RABEP1: variants seen among roughly 807,000 people sequenced by gnomAD.
The protein encoded by RABEP1 is rabaptin, RAB GTPase binding effector protein 1, also known as rab GTPase-binding effector protein 1.
In RABEP1, 51 loss-of-function variants were observed where a neutral mutation model predicts 123.4. The observed-to-expected ratio is 0.41, with a 90% CI of 0.33 to 0.52. RABEP1 has a LOEUF of 0.52. Ranked by LOEUF, RABEP1 falls within the 20% of genes least tolerant of loss-of-function variation. RABEP1 has a pLI of 0.16. For missense variants in RABEP1, 888 were observed against 996.3 expected, an observed-to-expected ratio of 0.89 and a Z score of 1.46; for synonymous variants, 347 against 355.2, an observed-to-expected ratio of 0.98 and a Z score of 0.26.
chr17:5,316,855 A>AATAT (rs1171136663), intron 2 of RABEP1, among the ~76,000 whole-genome samples: 13 of 139,370 alleles, frequency 9.3e-5, no homozygotes, highest in African/African-American at 2.4e-4. Context: ...AAAAAAAAAA[A>AATAT]ATATAAGAAA....
intron 17 of RABEP1, among the ~76,000 whole-genome samples, chr17:5,382,371 C>T (rs563739341): frequency 1.4e-4 from 22 of 151,872 alleles, no homozygotes; most frequent in Admixed American, 6.6e-4. Flanking sequence ...CGTGAGCCAC[C>T]GTGCCCGGAC....
chr17:5,343,124 C>A (rs150498411), intron 5 of RABEP1, among the ~76,000 whole-genome samples: 1 of 152,030 alleles, frequency 6.6e-6, no homozygotes, highest in Non-Finnish European at 1.5e-5. Context: ...GCTGGGCATC[C>A]GCCTGTAATC....
intron 8 of RABEP1, chr17:5,360,960 CTTTT>C: frequency 4.9e-6 from 2 of 412,234 alleles, no homozygotes; most frequent in South Asian, 5.8e-5. Flanking sequence ...GCTTACTTAT[CTTTT>C]TTTTTTTTGA....
intron 1 of RABEP1, among the ~76,000 whole-genome samples, chr17:5,299,734 T>C (rs2075118626): frequency 8.2e-6 from 1 of 122,378 alleles, no homozygotes; most frequent in Non-Finnish European, 1.7e-5. Flanking sequence ...TCTTTTTCTT[T>C]TTTTTTTTTT....
At chr17:5,372,824 C>T (rs573442468) in intron 12 of RABEP1, among the ~76,000 whole-genome samples, 12 of 151,948 alleles carry the variant, frequency 7.9e-5, no homozygotes, top group South Asian at 2.1e-4. Context: ...GGTGCAATCT[C>T]GGCTCACTGC....
intron 6 of RABEP1, 107 bp downstream of exon 6, chr17:5,347,032 T>G (rs773383901): frequency 1.1e-5 from 11 of 968,178 alleles, no homozygotes; most frequent in Admixed American, 1.0e-4. Flanking sequence ...AACATGTTAG[T>G]GATTCAATTT....
intron 11 of RABEP1, 43 bp downstream of exon 11, chr17:5,365,281 G>T: frequency 7.8e-7 from 1 of 1,276,828 alleles, no homozygotes; most frequent in Non-Finnish European, 1.1e-6. Context: ...GGGATGACTG[G>T]GTTATTTAAA....
chr17:5,298,010 G>T (rs2075099221), intron 1 of RABEP1, among the ~76,000 whole-genome samples: 1 of 152,108 alleles, frequency 6.6e-6, no homozygotes, highest in African/African-American at 2.4e-5. Context: ...TTCCCTTCCT[G>T]AGACATACAG....
chr17:5,307,439 T>G (rs974958905), intron 1 of RABEP1, among the ~76,000 whole-genome samples: 1 of 152,236 alleles, frequency 6.6e-6, no homozygotes, highest in African/African-American at 2.4e-5. Flanking sequence ...AATTGAGTGA[T>G]TGGGAGAGGG....
chr17:5,310,301 C>CTTTTTTTTTTTTTTTTTT lies in RABEP1; in HGVS notation c.163+1480_163+1497dup, dbSNP rs11432831. 2.9e-3 allele frequency among the ~76,000 whole-genome samples: 370 copies of CTTTTTTTTTTTTTTTTTT among 126,398 alleles called. 31 individuals carry two copies. The highest frequency in any genetic ancestry group is 6.5e-3 in the African/African-American group (212 of 32,810). 82.9% of individuals were successfully genotyped at this position (126,398 alleles called of 152,430 possible). A position where few individuals can be genotyped will look rare whatever the true frequency, so the allele number is the denominator to read the frequency against. On this transcript the variant is annotated intron_variant, in intron 2 of 17. Transcript: ENST00000537505. ...TTACAATTTAAATGAAAGCTTCGTC[C>CTTTTTTTTTTTTTTTTTT]TTTTTTTTTTTTTTTTTTGAGATGG...
At chr17:5,311,697 CAAAAAAAAAAAAAAA>C (rs35876639) in intron 2 of RABEP1, among the ~76,000 whole-genome samples, 5 of 70,868 alleles carry the variant, frequency 7.1e-5, no homozygotes, top group African/African-American at 2.9e-4. Flanking sequence ...GACTTCATCT[CAAAAAAAAAAAAAAA>C]AAAAAAAACA....
intron 1 of RABEP1, among the ~76,000 whole-genome samples, chr17:5,302,502 A>G (rs1206637362): frequency 6.6e-6 from 1 of 151,824 alleles, no homozygotes; most frequent in Non-Finnish European, 1.5e-5. Context: ...CGGCCTCCCA[A>G]GATGCTGGGA....
intron 10 of RABEP1, among the ~76,000 whole-genome samples, chr17:5,363,861 C>T (rs1909783782): frequency 1.3e-5 from 2 of 148,588 alleles, no homozygotes; most frequent in South Asian, 4.2e-4. Flanking sequence ...TTTTCAAGTG[C>T]AGTGTTTAAT....
intron 17 of RABEP1, 27 bp downstream of exon 17, chr17:5,381,532 G>A (rs1428157639): frequency 1.2e-6 from 2 of 1,602,966 alleles, no homozygotes; most frequent in African/African-American, 1.3e-5. Context: ...ACCACATACA[G>A]AGCACGAAGG....
intron 7 of RABEP1, 28 bp downstream of exon 7, chr17:5,350,657 G>C (rs748344270): frequency 6.2e-7 from 1 of 1,610,012 alleles, no homozygotes; most frequent in East Asian, 2.2e-5. Context: ...GGACTGATTT[G>C]CTTTGTCAGT....
Position 5,325,169 on chromosome 17 carries a change from C to CA in RABEP1, c.164-6771dup, listed in dbSNP as rs57112311. On this transcript the variant is annotated intron_variant, in intron 2 of 17. Transcript: ENST00000537505. ...CTCTACTAAAAAAGCAAAAACAAAC[C>CA]AAAAAAAAACCCAAAAATTATCTAG... 1.8e-3 allele frequency among the ~76,000 whole-genome samples: 264 copies of CA among 150,330 alleles called. 2 individuals carry two copies. The highest frequency in any genetic ancestry group is 2.1e-3 in the African/African-American group (86 of 41,016).
chr17:5,342,325 G>A (rs1336255591), intron 5 of RABEP1, among the ~76,000 whole-genome samples: 1 of 152,192 alleles, frequency 6.6e-6, no homozygotes, highest in Non-Finnish European at 1.5e-5. Context: ...ACCTGAATCT[G>A]TATTTTCCTG....
chr17:5,342,321 A>G (rs1349048404), intron 5 of RABEP1, among the ~76,000 whole-genome samples: 1 of 152,184 alleles, frequency 6.6e-6, no homozygotes, highest in Non-Finnish European at 1.5e-5. Context: ...GAGGACCTGA[A>G]TCTGTATTTT....
intron 1 of RABEP1, among the ~76,000 whole-genome samples, chr17:5,308,109 A>G (rs567828709): frequency 2.0e-5 from 3 of 152,286 alleles, no homozygotes; most frequent in East Asian, 3.9e-4. Flanking sequence ...CAGTTGCACA[A>G]AGGCACTTTA....
Sources: allele counts gnomAD v4.1 joint callset (sites outside exome capture counted in the v4.1 genomes callset), GRCh38; gene constraint gnomAD v4.1.1; transcripts MANE v1.5; gene names NCBI Gene and HGNC (gene_info 2026-07-23, HGNC 2026-07-21).